ALS2: variants seen among roughly 807,000 people sequenced by gnomAD.
The protein encoded by ALS2 is alsin Rho guanine nucleotide exchange factor ALS2, also known as alsin.
ALS2 carries 117 observed loss-of-function variants against 203.4 expected under a neutral mutation model. That is an observed-to-expected ratio of 0.58 (90% CI 0.50 to 0.67). ALS2 has a LOEUF of 0.67. ALS2 is among the 30% of genes least tolerant of loss of function. The probability of loss-of-function intolerance (pLI) is 0.00; values close to 1 mark genes in which losing one functional copy is unlikely to be tolerated. For missense variants in ALS2, 1,715 were observed against 1,989.4 expected (o/e 0.86, Z 2.62); for synonymous variants, 718 against 725.9 (o/e 0.99, Z 0.17).
At chr2:201,713,191 C>CA (rs1274908149) in intron 25 of ALS2, among the ~76,000 whole-genome samples, 2 of 129,304 alleles carry the variant, frequency 1.5e-5, no homozygotes, top group African/African-American at 2.9e-5. Flanking sequence ...GGCTGGAGTG[C>CA]AATGGCGCTA....
At chr2:201,744,140 AAGAC>A (rs1692473636) in intron 10 of ALS2, 114 bp downstream of exon 10, 1 of 1,165,526 alleles carries the variant, frequency 8.6e-7, no homozygotes. Context: ...CACACACACA[AAGAC>A]AGTGCATAGC....
chr2:201,707,045 A>T (rs753295279), intron 28 of ALS2, 23 bp from the exon 29 acceptor site: 1 of 1,600,326 alleles, frequency 6.2e-7, no homozygotes, highest in South Asian at 1.1e-5. Flanking sequence ...GGAGTGGGAG[A>T]AAAGGAGCAT....
Position 201,735,978 on chromosome 2 carries a change from C to G in ALS2, c.2418-2540G>C, listed in dbSNP as rs143490996. On this transcript the variant is annotated intron_variant, in intron 12 of 33. Transcript: ENST00000264276. ...ATTTAATTATTGGTTTGGCTACAGC[C>G]CCATTTTCTCCTATTTTCTTTGGCT... Among the ~76,000 whole-genome samples, 311 of 152,162 alleles carry G rather than the reference C, an allele frequency of 2.0e-3. 1 individual carries two copies. Among genetic ancestry groups the G allele is most frequent in the African/African-American group, 6.4e-3 (267 of 41,530 alleles).
rs1254369170 is a variant in ALS2, at chr2:201,749,736, T to C, written c.1791A>G (p.Pro597=). The change falls in exon 8 of 34, where the codon CCA becomes CCG. Residue 597 remains proline (P), a synonymous_variant. Transcript: ENST00000264276. ...TFGQLGHSDF[P]TTVPRLAKIS... is the part of the protein sequence containing the mutation. ...CCTTTGCAAGACGAGGAACTGTTGT[T>C]GGAAAATCGGAATGCCCAAGTTGAC... is the stretch of plus-strand genomic sequence containing the variant. 1 of 1,614,088 alleles carries C rather than the reference T, an allele frequency of 6.2e-7. No homozygotes were observed. The highest frequency in any genetic ancestry group is 1.3e-5 in the African/African-American group (1 of 75,050).
intron 3 of ALS2, among the ~76,000 whole-genome samples, chr2:201,764,634 A>T (rs987196361): frequency 4.0e-4 from 57 of 142,202 alleles, no homozygotes; most frequent in Non-Finnish European, 8.2e-4. Context: ...ACTCCGTCTC[A>T]AAATAAATAA....
chr2:201,704,884 T>C (rs762444838), intron 31 of ALS2, among the ~76,000 whole-genome samples: 27 of 152,186 alleles, frequency 1.8e-4, no homozygotes, highest in Admixed American at 6.5e-4. Context: ...TAATTTCCAA[T>C]TGGCTAAAGA....
At chr2:201,757,911 T>A (rs1452034208) in intron 4 of ALS2, 152 bp from the exon 5 acceptor site, 3 of 643,200 alleles carry the variant, frequency 4.7e-6, no homozygotes, top group Non-Finnish European at 2.6e-6. Flanking sequence ...GGTATTCTCT[T>A]CTTGATCATG....
intron 25 of ALS2, among the ~76,000 whole-genome samples, chr2:201,711,479 T>C (rs150607513): frequency 2.4e-4 from 37 of 152,206 alleles, no homozygotes; most frequent in Non-Finnish European, 5.0e-4. Flanking sequence ...TTGAAGGTGA[T>C]AGACCCGTTG....
chr2:201,775,986 G>A lies in ALS2; in HGVS notation c.-61+4891C>T, dbSNP rs546855720. ...ACAAGCTGGTTACATTTAAGTGAGT[G>A]CTTGAGTGAAAGATACAGCCCCTGA... is the stretch of plus-strand genomic sequence containing the variant. On this transcript the variant is annotated intron_variant, in intron 1 of 33. Coordinates refer to ENST00000264276, the MANE Select transcript of ALS2 (RefSeq NM_020919.4). Among the ~76,000 whole-genome samples the A allele has an allele frequency of 5.9e-5, 9 of 152,270 alleles. No individual in the cohort carries two copies. In the East Asian group the frequency reaches 1.3e-3, roughly 23 times the overall value.
At chr2:201,757,314 G>A (rs1398245563) in intron 5 of ALS2, 88 bp downstream of exon 5, 3 of 1,084,090 alleles carry the variant, frequency 2.8e-6, no homozygotes, top group South Asian at 2.6e-5. Context: ...TCATAATTAG[G>A]ACAGCTTTTT....
In ALS2 at chr2:201,761,216, C is replaced by A; in HGVS notation, c.778G>T (p.Gly260Cys). The change falls in exon 4 of 34, where the codon GGT (glycine) becomes TGT (cysteine). Residue 260 changes from glycine (G) to cysteine (C), a missense_variant. Physicochemically the swap from Gly to Cys is radical, Grantham distance 159. This residue lies in a region of ALS2 where 476 missense variants were observed against 539.3 expected (regional missense o/e 0.88). Transcript: ENST00000264276. ...GCCTGAGATTCTGTCAGTGTCACAC[C>A]TAATGGGCAACAATGACTGTCTGAT... ...IISDSHCCPL[G>C]VTLTESQAEN... 1.2e-6 allele frequency: 2 copies of A among 1,614,158 alleles called. No homozygotes were observed. The highest frequency in any genetic ancestry group is 8.5e-7 in the Non-Finnish European group (1 of 1,180,042).
chr2:201,723,442 CT>C lies in ALS2; in HGVS notation c.3513-2del, dbSNP rs2105999112. 6.2e-7 allele frequency: 1 copy of C among 1,610,020 alleles called. No homozygotes were observed. Among genetic ancestry groups the C allele is most frequent in the Non-Finnish European group, 8.5e-7 (1 of 1,176,364 alleles). On this transcript the variant is annotated splice_acceptor_variant, in intron 21 of 33. Coordinates refer to ENST00000264276, the MANE Select transcript of ALS2 (RefSeq NM_020919.4). LOFTEE classifies it high-confidence loss of function. ...CCACATTCCCATATACTTTTCCCCC[CT>C]GCACAGAAATAAAAAGAAAAGAAAA...
intron 5 of ALS2, among the ~76,000 whole-genome samples, chr2:201,755,049 A>C (rs1276029378): frequency 6.6e-6 from 1 of 152,202 alleles, no homozygotes; most frequent in African/African-American, 2.4e-5. Context: ...ATTCTAAAGA[A>C]TATGCTGAAC....
chr2:201,707,891 G>C lies in ALS2; in HGVS notation c.4381C>G (p.Arg1461Gly). Residue 1461 changes from arginine (R) to glycine (G), a missense_variant, in exon 28 of 34, where the codon CGA (arginine) becomes GGA (glycine). Around this residue, in one of 3 missense-constraint regions of ALS2, gnomAD observed 1,227 missense variants for 1,413.5 expected, o/e 0.87. Transcript: ENST00000264276. ...TACCCTGGCTCTGGTGATTCAGATC[G>C]GGAATCTGACTTCCCAGTGCAAAAA... Reference protein sequence around the residue: ...KSFCTGKSDSRSESPEPGYVV... With the variant: ...KSFCTGKSDSGSESPEPGYVV... 1 of 1,613,398 alleles carries C rather than the reference G, an allele frequency of 6.2e-7. No homozygotes were observed. Among genetic ancestry groups the C allele is most frequent in the Non-Finnish European group, 8.5e-7 (1 of 1,179,596 alleles).
At chr2:201,747,462 C>CGT in intron 8 of ALS2, among the ~76,000 whole-genome samples, 1 of 133,712 alleles carries the variant, frequency 7.5e-6, no homozygotes, top group African/African-American at 2.8e-5. Context: ...CACTCGGTCG[C>CGT]TTTTTTTTTT....
At chr2:201,726,929 C>T (rs1691210302) in intron 17 of ALS2, 63 bp from the exon 18 acceptor site, 3 of 1,418,828 alleles carry the variant, frequency 2.1e-6, no homozygotes, top group Admixed American at 3.8e-5. Flanking sequence ...TGCTTTAAAT[C>T]CTGCTAGTTT....
At chr2:201,760,440 A>T in intron 4 of ALS2, 1 of 991,732 alleles carries the variant, frequency 1.0e-6, no homozygotes, top group Non-Finnish European at 1.2e-6. Flanking sequence ...CTACAATTGA[A>T]GGATCTGCCA....
intron 8 of ALS2, among the ~76,000 whole-genome samples, chr2:201,747,561 C>T (rs1414537045): frequency 1.3e-5 from 2 of 151,538 alleles, no homozygotes; most frequent in African/African-American, 4.8e-5. Flanking sequence ...TGCCATTCTC[C>T]TGCCTCAGCC....
intron 7 of ALS2, among the ~76,000 whole-genome samples, chr2:201,750,345 G>A (rs1692955109): frequency 6.6e-6 from 1 of 151,976 alleles, no homozygotes; most frequent in South Asian, 2.1e-4. Flanking sequence ...AATAAATAAG[G>A]AAACCCAGAG....
Sources: gnomAD v4.1 joint callset for allele counts (sites outside exome capture counted in the v4.1 genomes callset) on GRCh38, gnomAD v4.1.1 for gene constraint, gnomAD v4.1.1 regional missense constraint, MANE v1.5 for transcripts, NCBI Gene and HGNC (gene_info 2026-07-23, HGNC 2026-07-21) for gene names.